CNGB1: variants seen among roughly 807,000 people sequenced by gnomAD.
CNGB1 encodes the protein cyclic nucleotide-gated channel beta-1.
In CNGB1, 126 loss-of-function variants were observed where a neutral mutation model predicts 151.7. That is an observed-to-expected ratio of 0.83 (90% CI 0.72 to 0.96). CNGB1 has a LOEUF of 0.96. Ranked by LOEUF, CNGB1 falls within the 40% of genes least tolerant of loss-of-function variation. The pLI is 0.00. For synonymous variants in CNGB1, 623 were observed against 635.1 expected (o/e 0.98, Z 0.29); for missense variants, 1,698 against 1,627.0 (o/e 1.04, Z -0.75).
At chr16:57,925,724 G>A (rs1961165264) in intron 17 of CNGB1, among the ~76,000 whole-genome samples, 1 of 151,886 alleles carries the variant, frequency 6.6e-6, no homozygotes, top group African/African-American at 2.4e-5. Flanking sequence ...GTCTCGCTCT[G>A]TTGCCCTGGC....
At chr16:57,906,178 C>T (rs1226070143) in intron 25 of CNGB1, among the ~76,000 whole-genome samples, 1 of 152,248 alleles carries the variant, frequency 6.6e-6, no homozygotes, top group Non-Finnish European at 1.5e-5. Flanking sequence ...CAGCCACCTT[C>T]TGGCTGCATA....
At chr16:57,905,966 T>C (rs751085509) in intron 25 of CNGB1, among the ~76,000 whole-genome samples, 2 of 152,232 alleles carry the variant, frequency 1.3e-5, no homozygotes, top group Non-Finnish European at 2.9e-5. Context: ...CAAGCTTGTG[T>C]GTGATTATCA....
intron 31 of CNGB1, among the ~76,000 whole-genome samples, chr16:57,891,524 ACTTGT>A (rs1324967346): frequency 1.3e-5 from 2 of 151,840 alleles, no homozygotes; most frequent in Admixed American, 1.3e-4. Flanking sequence ...ATAATAATAA[ACTTGT>A]CTTATGTGTG....
intron 31 of CNGB1, among the ~76,000 whole-genome samples, chr16:57,892,859 G>C (rs1056180246): frequency 1.3e-5 from 2 of 152,146 alleles, no homozygotes; most frequent in Non-Finnish European, 2.9e-5. Context: ...CCTGCTCAGA[G>C]CAGCTTCCCC....
rs755577473 is a variant in CNGB1, at chr16:57,887,885, C to T, written c.3432G>A (p.Ala1144=). ...CCACCAACTCTTGCTGCTTTGCAGC[C>T]GCCTCCAGCGCGGCCAGTTCTTTGA... ...ARLKELAALE[A]AAKQQELVEQ... The change falls in exon 32 of 33, where the codon GCG becomes GCA. Residue 1144 remains alanine, a synonymous_variant. Transcript: ENST00000251102. 1.9e-5 allele frequency: 31 copies of T among 1,614,052 alleles called. No individual in the cohort carries two copies. The highest frequency in any genetic ancestry group is 1.6e-4 in the East Asian group (7 of 44,892).
At chr16:57,918,668 A>T (rs1960945913) in intron 20 of CNGB1, among the ~76,000 whole-genome samples, 1 of 152,020 alleles carries the variant, frequency 6.6e-6, no homozygotes, top group African/African-American at 2.4e-5. Context: ...TCATCTGTAA[A>T]ATGGGTATGA....
chr16:57,951,496 C>G (rs1961947407), intron 12 of CNGB1, among the ~76,000 whole-genome samples: 1 of 152,312 alleles, frequency 6.6e-6, no homozygotes, highest in Non-Finnish European at 1.5e-5. Context: ...ACTGGGACTA[C>G]AGGCATGCAC....
At chr16:57,961,530 G>A (rs942463114) in intron 7 of CNGB1, among the ~76,000 whole-genome samples, 1 of 152,104 alleles carries the variant, frequency 6.6e-6, no homozygotes, top group African/African-American at 2.4e-5. Context: ...GAGTCCTCTA[G>A]GTGCCCTCAT....
intron 25 of CNGB1, among the ~76,000 whole-genome samples, chr16:57,905,342 C>A (rs1960518406): frequency 6.7e-6 from 1 of 149,602 alleles, no homozygotes; most frequent in Non-Finnish European, 1.5e-5. Context: ...CCGCCCCTAC[C>A]CGGCCCATCC....
At position 57,920,392 on chromosome 16, in the gene CNGB1, T is replaced by C. The variant is rs1960997433; in HGVS notation, c.1796A>G (p.Lys599Arg). ...CCCTCCAGCTCCAGACTCACAGGGC[T>C]TGGGGCTCTCCTCATCAGAGGTGAC... Reference protein sequence around the residue: ...PDVTSDEESPKPSPAKKAPEP... With the variant: ...PDVTSDEESPRPSPAKKAPEP... The change falls in exon 19 of 33, where the codon AAG becomes AGG. Residue 599 changes from lysine to arginine, a missense_variant. Coordinates refer to ENST00000251102, the MANE Select transcript of CNGB1 (RefSeq NM_001297.5). The C allele has an allele frequency of 6.2e-7, 1 of 1,614,166 alleles. No homozygotes were observed. The highest frequency in any genetic ancestry group is 8.5e-7 in the Non-Finnish European group (1 of 1,180,038).
intron 16 of CNGB1, among the ~76,000 whole-genome samples, chr16:57,933,999 A>G (rs1961435134): frequency 6.6e-6 from 1 of 152,028 alleles, no homozygotes; most frequent in Admixed American, 6.6e-5. Flanking sequence ...CTGGGATTAC[A>G]GGCATGAGCC....
chr16:57,961,008 C>T (rs958711115), intron 7 of CNGB1, 93 bp from the exon 8 acceptor site: 20 of 1,143,094 alleles, frequency 1.7e-5, no homozygotes, highest in African/African-American at 6.1e-5. Context: ...CCAGCCATTC[C>T]GTGCCCTCCA....
intron 22 of CNGB1, among the ~76,000 whole-genome samples, chr16:57,915,670 A>C (rs1260463912): frequency 2.0e-5 from 3 of 152,172 alleles, no homozygotes. Flanking sequence ...AGGCCAAGGC[A>C]GGCAGATCAC....
intron 1 of CNGB1, among the ~76,000 whole-genome samples, chr16:57,970,152 A>G (rs146288976): frequency 5.3e-4 from 81 of 152,274 alleles, no homozygotes; most frequent in African/African-American, 1.9e-3. Context: ...CAGCCTCCCA[A>G]AAAATGAACT....
rs770663676 is a variant in CNGB1 at position 57,884,435 on chromosome 16, T to G, written c.3485A>C (p.Lys1162Thr). 1 of 1,613,480 alleles carries G rather than the reference T, an allele frequency of 6.2e-7. No individual in the cohort carries two copies. Among genetic ancestry groups the G allele is most frequent in the South Asian group, 1.1e-5 (1 of 91,038 alleles). Reference protein sequence around the residue: ...VEQAKSSQDVKGEEGSAAPDQ... With the variant: ...VEQAKSSQDVTGEEGSAAPDQ... ...TGGGGCGGCGGAGCCTTCCTCTCCC[T>G]TGACGTCTTGCGAGCTCTTGGCCTG... The change falls in exon 33 of 33, where the codon AAG (lysine) becomes ACG (threonine). Residue 1162 changes from lysine to threonine, a missense_variant. Lys to Thr is a moderately conservative substitution (Grantham distance 78). Coordinates refer to ENST00000251102, the MANE Select transcript of CNGB1 (RefSeq NM_001297.5).
rs752713503 is a variant in CNGB1 at position 57,882,340 on chromosome 16, A to ATT, written c.*1823_*1824insAA. The ATT allele has an allele frequency of 7.3e-6, 1 of 136,736 alleles. No individual in the cohort carries two copies. Among genetic ancestry groups the ATT allele is most frequent in the Non-Finnish European group, 1.7e-5 (1 of 59,586 alleles). The allele number at this position is 136,736 out of a possible 1,614,324, so 8.5% of individuals were successfully genotyped here. On this transcript the variant is annotated 3_prime_UTR_variant, in exon 33 of 33. Transcript: ENST00000251102. ...CATTTTTAAAGCTTTTTTTTTTAAA[A>ATT]AAAAAATAGGGTAAAATAATAAGGT...
intron 16 of CNGB1, among the ~76,000 whole-genome samples, chr16:57,938,858 G>A (rs1272948712): frequency 6.6e-6 from 1 of 152,170 alleles, no homozygotes; most frequent in Admixed American, 6.5e-5. Flanking sequence ...CATTGCTTGA[G>A]TTCTCAGGAT....
chr16:57,945,999 G>C (rs1961799369), intron 14 of CNGB1, among the ~76,000 whole-genome samples: 1 of 152,150 alleles, frequency 6.6e-6, no homozygotes. Flanking sequence ...GGCTGTCTAG[G>C]GGCCATGTTA....
chr16:57,962,788 C>A (rs1478072970), intron 6 of CNGB1, 54 bp downstream of exon 6: 3 of 1,605,550 alleles, frequency 1.9e-6, no homozygotes, highest in African/African-American at 1.3e-5. Flanking sequence ...ATCCCAGCAG[C>A]CCCTCAGCCC....
Sources: gnomAD v4.1 joint callset for allele counts (sites outside exome capture counted in the v4.1 genomes callset) on GRCh38, gnomAD v4.1.1 for gene constraint, MANE v1.5 for transcripts, NCBI Gene and HGNC (gene_info 2026-07-23, HGNC 2026-07-21) for gene names.